The following DNAH10 variants were observed in gnomAD, a reference collection of about 807,000 sequenced individuals.
DNAH10 encodes dynein axonemal heavy chain 10.
In DNAH10, 348 loss-of-function variants were observed where a neutral mutation model predicts 506.6. The observed-to-expected ratio is 0.69, with a 90% CI of 0.63 to 0.75. The LOEUF is 0.75. Ranked by LOEUF, DNAH10 falls within the 30% of genes least tolerant of loss-of-function variation. The pLI is 0.00. For synonymous variants in DNAH10, 2,059 were observed against 2,198.6 expected (o/e 0.94, Z 1.78); for missense variants, 5,179 against 5,787.1 (o/e 0.89, Z 3.41).
chr12:123,916,101 A>G lies in DNAH10; in HGVS notation c.10723-356A>G, dbSNP rs1463960818. The stretch of plus-strand genomic sequence containing the variant: ...GGGAGCAAATACTATGAGGGCAGGA[A>G]CTTTTCTAGACTCCCTCTTCCCTCA... On this transcript the variant is annotated intron_variant, in intron 62 of 78. Coordinates refer to ENST00000673944, the MANE Select transcript of DNAH10 (RefSeq NM_001372106.1). The surrounding 1 kb of genome is among the most constrained non-coding windows in gnomAD (Gnocchi z 4.6). Among the ~76,000 whole-genome samples the G allele has an allele frequency of 6.6e-6, 1 of 152,142 alleles. No homozygotes were observed. The highest frequency in any genetic ancestry group is 1.9e-4 in the East Asian group (1 of 5,178).
chr12:123,898,038 T>C, intron 55 of DNAH10, 71 bp downstream of exon 55: 1 of 1,400,384 alleles, frequency 7.1e-7, no homozygotes. Context: ...GCGCTGATCT[T>C]TTCTTTAGTA....
rs377564023 is a variant in DNAH10, at chr12:123,865,963, C to T, written c.7057C>T (p.Gln2353Ter). ...TTTATTTATCCAGGTTGGAGATTTA[C>T]AGTATGCCTCCCCTGCAACTGTCTC... Reference protein sequence around the residue: ...CALLFEVGDLQYASPATVSRC... With the variant: ...CALLFEVGDL The change falls in exon 41 of 79, where the codon CAG becomes TAG. Residue 2353 changes from glutamine to a stop codon, truncating the protein, a stop_gained. Coordinates refer to ENST00000673944, the MANE Select transcript of DNAH10 (RefSeq NM_001372106.1). LOFTEE classifies it high-confidence loss of function. The T allele has an allele frequency of 6.2e-6, 10 of 1,604,192 alleles. No individual in the cohort carries two copies. In the African/African-American group the frequency reaches 1.1e-4, roughly 17 times the overall value.
intron 5 of DNAH10, among the ~76,000 whole-genome samples, chr12:123,775,778 A>G (rs1262308916): frequency 6.6e-6 from 1 of 152,172 alleles, no homozygotes; most frequent in East Asian, 1.9e-4. Flanking sequence ...AGGAAAGACC[A>G]AATAGAAAGC....
intron 77 of DNAH10, 21 bp from the exon 78 acceptor site, chr12:123,934,600 G>T (rs777899615): frequency 5.0e-6 from 8 of 1,612,468 alleles, no homozygotes; most frequent in East Asian, 2.2e-5. Flanking sequence ...GTTGTATCCA[G>T]TCTCTGCCTT....
intron 39 of DNAH10, 100 bp from the exon 40 acceptor site, chr12:123,864,495 C>T (rs1402691008): frequency 1.4e-6 from 2 of 1,480,688 alleles, no homozygotes; most frequent in Non-Finnish European, 1.8e-6. Context: ...GGTAGAAAAC[C>T]CTGGGAAAAA....
intron 28 of DNAH10, among the ~76,000 whole-genome samples, chr12:123,838,007 G>A (rs1166941641): frequency 1.3e-5 from 2 of 152,136 alleles, no homozygotes; most frequent in Admixed American, 6.5e-5. Flanking sequence ...GCTGGACATT[G>A]AGGCTATTTC....
In DNAH10 at chr12:123,787,753, C is replaced by T. The variant is rs543786627; in HGVS notation, c.1422-51C>T. On this transcript the variant is annotated intron_variant, in intron 9 of 78. Transcript: ENST00000673944. This position sits in a 1 kb window ranked among gnomAD's most constrained non-coding sequence, Gnocchi z 4.6. ...GGCTCCCCAGCCGGGGAGTGCGGCTCGGACCCGGAGCTCCGCCCTCCTCCC... is the reference window on the plus strand; with the variant it reads ...GGCTCCCCAGCCGGGGAGTGCGGCTTGGACCCGGAGCTCCGCCCTCCTCCC... The T allele has an allele frequency of 7.1e-5, 112 of 1,577,964 alleles. No individual in the cohort carries two copies. The East Asian group carries it at 2.1e-3, about 29-fold the overall frequency.
At chr12:123,875,161 TCAGC>T in intron 46 of DNAH10, 66 bp from the exon 47 acceptor site, 1 of 1,513,160 alleles carries the variant, frequency 6.6e-7, no homozygotes, top group Non-Finnish European at 8.9e-7. Flanking sequence ...GCTGGGATGG[TCAGC>T]CAACGCCTCT....
At chr12:123,911,264 G>C in intron 59 of DNAH10, among the ~76,000 whole-genome samples, 1 of 64,554 alleles carries the variant, frequency 1.5e-5, no homozygotes, top group African/African-American at 6.6e-5. Context: ...CCTGGTGGTG[G>C]TGGGGGGTCT....
In DNAH10 at chr12:123,914,885, C is replaced by G. The variant is rs757491374; in HGVS notation, c.10608C>G (p.Leu3536=). 24 of 1,613,578 alleles carry G rather than the reference C, an allele frequency of 1.5e-5. No individual in the cohort carries two copies. The highest frequency in any genetic ancestry group is 2.0e-5 in the Non-Finnish European group (24 of 1,179,840). ...CCCAGGGCCTTCCCCCCGATGAGCTCTCCGTTCAGAATGGCATCCTCACCA... is the reference window on the plus strand; with the variant it reads ...CCCAGGGCCTTCCCCCCGATGAGCTGTCCGTTCAGAATGGCATCCTCACCA... ...WGSQGLPPDE[L]SVQNGILTTR... is the part of the protein sequence containing the mutation. Residue 3536 remains leucine (L), a synonymous_variant, in exon 62 of 79, where the codon CTC becomes CTG. Transcript: ENST00000673944.
In DNAH10 at chr12:123,880,741, A is replaced by G. The variant is rs547547589; in HGVS notation, c.8635-884A>G. Among the ~76,000 whole-genome samples, 781 of 151,152 alleles carry G rather than the reference A, an allele frequency of 5.2e-3. 6 individuals carry two copies. The highest frequency in any genetic ancestry group is 0.011 in the East Asian group (54 of 5,114). ...ACGTATACATGTGCCATGTTGGTGT[A>G]GTGCACCCATTAACTCGTCATTTAC... On this transcript the variant is annotated intron_variant, in intron 50 of 78. Transcript: ENST00000673944.
intron 67 of DNAH10, 89 bp downstream of exon 67, chr12:123,924,521 A>G: frequency 2.0e-6 from 3 of 1,503,938 alleles, no homozygotes; most frequent in Non-Finnish European, 1.8e-6. Context: ...TTAAGAGAAG[A>G]CACTCCTTTG....
chr12:123,875,277 T>A lies in DNAH10; in HGVS notation c.7985T>A (p.Leu2662Gln). 2 of 1,612,938 alleles carry A rather than the reference T, an allele frequency of 1.2e-6. No homozygotes were observed. Among genetic ancestry groups the A allele is most frequent in the Non-Finnish European group, 1.7e-6 (2 of 1,179,378 alleles). The stretch of plus-strand genomic sequence containing the variant: ...CAGCCCATTGCCTTGCTGAAGCTGC[T>A]GTTGGAAAAAGGCTACTTATATGAC... ...TQQPIALLKL[L>Q]LEKGYLYDRG... Residue 2662 changes from leucine to glutamine, a missense_variant, in exon 47 of 79, where the codon CTG (leucine) becomes CAG (glutamine). By Grantham distance (113) the Leu-to-Gln change is moderately radical. Coordinates refer to ENST00000673944, the MANE Select transcript of DNAH10 (RefSeq NM_001372106.1).
chr12:123,871,251 G>A (rs1403448979), intron 44 of DNAH10, among the ~76,000 whole-genome samples: 1 of 152,200 alleles, frequency 6.6e-6, no homozygotes, highest in African/African-American at 2.4e-5. Context: ...TCTAACCCTG[G>A]ACTGTGGTGA....
rs371620714 is a variant in DNAH10 at position 123,909,212 on chromosome 12, C to A, written c.9816-49C>A. 1 of 1,590,320 alleles carries A rather than the reference C, an allele frequency of 6.3e-7. No individual in the cohort carries two copies. Among genetic ancestry groups the A allele is most frequent in the East Asian group, 2.3e-5 (1 of 43,960 alleles). On this transcript the variant is annotated intron_variant, in intron 57 of 78. Transcript: ENST00000673944. The surrounding 1 kb of genome is among the most constrained non-coding windows in gnomAD (Gnocchi z 5.4). ...TCTGGAGCTCTCTTTCAGGCCAGAT[C>A]CTGGCCACATCCCGGGGTTGTGACC...
chr12:123,871,783 C>T (rs967702341), intron 45 of DNAH10, among the ~76,000 whole-genome samples, 181 bp downstream of exon 45: 3 of 152,202 alleles, frequency 2.0e-5, no homozygotes, highest in African/African-American at 7.2e-5. Context: ...TTGGCCAGGG[C>T]TGTAGATACC....
In DNAH10 at chr12:123,802,747, T is replaced by A. The variant is rs1261788745; in HGVS notation, c.2615-914T>A. Reference sequence around the variant, plus strand: ...TGCTGTCACTTTTTTTTTTTTTTTTTAATTTTGGCCATCTGATAGCTGTGT... The same window carrying A: ...TGCTGTCACTTTTTTTTTTTTTTTTAAATTTTGGCCATCTGATAGCTGTGT... On this transcript the variant is annotated intron_variant, in intron 16 of 78. Transcript: ENST00000673944. Among the ~76,000 whole-genome samples the A allele has an allele frequency of 3.5e-4, 51 of 145,826 alleles. 1 individual carries two copies. The highest frequency in any genetic ancestry group is 4.5e-4 in the Non-Finnish European group (30 of 67,338).
chr12:123,924,546 T>TTACACACTGAATGG, intron 67 of DNAH10, 114 bp downstream of exon 67: 2 of 1,312,056 alleles, frequency 1.5e-6, no homozygotes, highest in Non-Finnish European at 2.1e-6. Context: ...ACCCATTCAG[T>TTACACACTGAATGG]GTGTAACTGA....
chr12:123,912,569 C>T (rs901368092), intron 59 of DNAH10, among the ~76,000 whole-genome samples: 1 of 152,134 alleles, frequency 6.6e-6, no homozygotes, highest in East Asian at 1.9e-4. Context: ...GCAGCACCCT[C>T]CCTCCAAGCT....
Sources: allele counts gnomAD v4.1 joint callset (sites outside exome capture counted in the v4.1 genomes callset), GRCh38; gene constraint gnomAD v4.1.1; non-coding constraint Gnocchi (gnomAD v3.1); transcripts MANE v1.5; gene names NCBI Gene and HGNC (gene_info 2026-07-23, HGNC 2026-07-21).